CACNG7: variants seen among roughly 807,000 people sequenced by gnomAD.
The protein encoded by CACNG7 is calcium voltage-gated channel auxiliary subunit gamma 7.
In CACNG7, 9 loss-of-function variants were observed where a neutral mutation model predicts 26.3. The ratio of observed to expected loss-of-function variants is 0.34; its 90% CI spans 0.21 to 0.60. The LOEUF is 0.60. CACNG7 is among the 20% of genes least tolerant of loss of function. CACNG7 has a pLI of 0.81. For synonymous variants in CACNG7, 170 were observed against 157.0 expected, an observed-to-expected ratio of 1.08 and a Z score of -0.62; for missense variants, 297 against 380.4, an observed-to-expected ratio of 0.78 and a Z score of 1.82.
intron 5 of CACNG7, 60 bp from the exon 6 acceptor site, chr19:53,941,976 G>A: frequency 6.7e-7 from 1 of 1,502,766 alleles, no homozygotes; most frequent in Non-Finnish European, 8.9e-7. Context: ...GAGGAGATGA[G>A]TCGGGGTCCG....
At chr19:53,917,197 G>A (rs781521508) in intron 4 of CACNG7, among the ~76,000 whole-genome samples, 1 of 152,088 alleles carries the variant, frequency 6.6e-6, no homozygotes, top group African/African-American at 2.4e-5. Context: ...AACTCAGCTC[G>A]AGTACATTTA....
intron 4 of CACNG7, among the ~76,000 whole-genome samples, chr19:53,916,487 C>CTTTTTTTTTTTTTTTT (rs397706471): frequency 2.1e-5 from 2 of 95,458 alleles, no homozygotes; most frequent in Non-Finnish European, 2.0e-5. Context: ...TTCTTTCTTT[C>CTTTTTTTTTTTTTTTT]TTTTTTTTTT....
Position 53,909,601 on chromosome 19 carries a change from C to T in CACNG7, c.-30+84C>T, listed in dbSNP as rs2068849969. On this transcript the variant is annotated intron_variant, in intron 1 of 5. Coordinates refer to ENST00000391767, the MANE Select transcript of CACNG7 (RefSeq NM_031896.5). The surrounding 1 kb of genome is among the most constrained non-coding windows in gnomAD (Gnocchi z 5.1). ...GCCGGGTTTGGGGCAACAAGGGACC[C>T]GAGTGGCTCCAGGGGTGGTGAGATC... 1 of 152,554 alleles carries T rather than the reference C, an allele frequency of 6.6e-6. No homozygotes were observed. Among genetic ancestry groups the T allele is most frequent in the African/African-American group, 2.4e-5 (1 of 41,454 alleles). 9.5% of individuals were successfully genotyped at this position (152,554 alleles called of 1,614,324 possible). A position where few individuals can be genotyped will look rare whatever the true frequency, so the allele number is the denominator to read the frequency against.
Position 53,930,650 on chromosome 19 carries a change from G to C in CACNG7, c.425-10820G>C, listed in dbSNP as rs549297880. On this transcript the variant is annotated intron_variant, in intron 4 of 5. Coordinates refer to ENST00000391767, the MANE Select transcript of CACNG7 (RefSeq NM_031896.5). The stretch of plus-strand genomic sequence containing the variant: ...GGCCTCCCAAAGTGCTGGGATTACA[G>C]GCCTGAGCCACCGCACTGGGCCAAT... 3.3e-5 allele frequency among the ~76,000 whole-genome samples: 5 copies of C among 152,172 alleles called. No homozygotes were observed. The East Asian group carries it at 9.7e-4, about 29-fold the overall frequency.
intron 4 of CACNG7, among the ~76,000 whole-genome samples, chr19:53,934,172 C>A (rs556940772): frequency 6.6e-6 from 1 of 152,334 alleles, no homozygotes; most frequent in African/African-American, 2.4e-5. Context: ...GCTGGGATGA[C>A]AGGCGTGAGC....
chr19:53,934,516 T>C (rs1440952932), intron 4 of CACNG7, among the ~76,000 whole-genome samples: 1 of 152,140 alleles, frequency 6.6e-6, no homozygotes, highest in Non-Finnish European at 1.5e-5. Context: ...GGCTCATGCC[T>C]GTAATCCTAG....
chr19:53,926,011 A>G (rs559734251), intron 4 of CACNG7, among the ~76,000 whole-genome samples: 1 of 152,256 alleles, frequency 6.6e-6, no homozygotes. Flanking sequence ...ATTAAACATG[A>G]TCTGTGGATA....
chr19:53,926,371 A>G (rs907313248), intron 4 of CACNG7, among the ~76,000 whole-genome samples: 1 of 151,776 alleles, frequency 6.6e-6, no homozygotes, highest in African/African-American at 2.4e-5. Context: ...GCCTCACCTC[A>G]GGACTTCGTA....
Position 53,922,972 on chromosome 19 carries a change from T to G in CACNG7, c.424+7467T>G, listed in dbSNP as rs1432822200. Among the ~76,000 whole-genome samples the G allele has an allele frequency of 2.0e-5, 2 of 97,940 alleles. 1 individual carries two copies. The highest frequency in any genetic ancestry group is 3.8e-5 in the Non-Finnish European group (2 of 53,218). The allele number at this position is 97,940 out of a possible 152,430, so 64.3% of individuals were successfully genotyped here. A position where few individuals can be genotyped will look rare whatever the true frequency, so the allele number is the denominator to read the frequency against. On this transcript the variant is annotated intron_variant, in intron 4 of 5. Transcript: ENST00000391767. ...GGTGGAGTTGCCCCAGGTCTGGTCA[T>G]TGGTGGAGTTGTCCCAGGACTGGTC...
At chr19:53,935,589 C>T (rs1449523035) in intron 4 of CACNG7, among the ~76,000 whole-genome samples, 1 of 142,714 alleles carries the variant, frequency 7.0e-6, no homozygotes, top group Non-Finnish European at 1.5e-5. Flanking sequence ...TCCCAAACTA[C>T]TGGGATTATA....
chr19:53,913,142 C>T, intron 2 of CACNG7, 115 bp downstream of exon 2: 1 of 941,174 alleles, frequency 1.1e-6, no homozygotes, highest in South Asian at 1.8e-5. Context: ...TCCTGATTCT[C>T]TCCTGGAAGT....
At chr19:53,915,928 A>C (rs987220092) in intron 4 of CACNG7, among the ~76,000 whole-genome samples, 3 of 152,210 alleles carry the variant, frequency 2.0e-5, no homozygotes, top group Non-Finnish European at 4.4e-5. Flanking sequence ...GATAAACTGC[A>C]ATTAACAGTT....
intron 1 of CACNG7, among the ~76,000 whole-genome samples, chr19:53,911,227 G>A (rs866363279): frequency 1.3e-5 from 2 of 151,844 alleles, no homozygotes; most frequent in African/African-American, 4.8e-5. Context: ...CACCGTGCCC[G>A]GCTAATTTTT....
intron 2 of CACNG7, 46 bp downstream of exon 2, chr19:53,913,073 G>A: frequency 1.3e-6 from 2 of 1,553,884 alleles, no homozygotes; most frequent in African/African-American, 1.4e-5. Flanking sequence ...TGCCTTGCCT[G>A]GGGTCTGAGA....
intron 1 of CACNG7, among the ~76,000 whole-genome samples, chr19:53,910,396 G>T (rs2068855322): frequency 6.6e-6 from 1 of 152,062 alleles, no homozygotes; most frequent in African/African-American, 2.4e-5. Context: ...GAGGCTGGGA[G>T]TGCGGGGTGG....
intron 4 of CACNG7, among the ~76,000 whole-genome samples, chr19:53,921,831 C>G (rs1207066608): frequency 1.1e-5 from 1 of 91,192 alleles, no homozygotes; most frequent in Non-Finnish European, 1.9e-5. Flanking sequence ...TGCCCCAGGT[C>G]TGGTCATTGG....
At chr19:53,924,425 GT>G (rs2069003716) in intron 4 of CACNG7, among the ~76,000 whole-genome samples, 3 of 148,222 alleles carry the variant, frequency 2.0e-5, no homozygotes, top group African/African-American at 2.5e-5. Context: ...GTTGCCCCAG[GT>G]CTGGTCATTG....
At chr19:53,936,265 AG>A (rs1219882394) in intron 4 of CACNG7, among the ~76,000 whole-genome samples, 9 of 152,144 alleles carry the variant, frequency 5.9e-5, no homozygotes, top group African/African-American at 2.2e-4. Flanking sequence ...TCTTCTCTGG[AG>A]GCCCGTGGTG....
chr19:53,923,449 CCTGGTCATTGGTGGAGTTGTCCCAGGT>C (rs2068984378), intron 4 of CACNG7, among the ~76,000 whole-genome samples: 3 of 76,812 alleles, frequency 3.9e-5, no homozygotes, highest in Non-Finnish European at 7.2e-5. Context: ...TGTCCCCAGG[CCTGGTCATTGGTGGAGTTGTCCCAGGT>C]CTGGTCATTG....
Sources: allele counts gnomAD v4.1 joint callset (sites outside exome capture counted in the v4.1 genomes callset), GRCh38; gene constraint gnomAD v4.1.1; non-coding constraint Gnocchi (gnomAD v3.1); transcripts MANE v1.5; gene names NCBI Gene and HGNC (gene_info 2026-07-23, HGNC 2026-07-21).